Variants in SYCP1 observed in about 807,000 individuals in gnomAD.
The protein encoded by SYCP1 is synaptonemal complex protein 1.
A neutral mutation model predicts 153.1 loss-of-function variants in SYCP1; 64 were observed. That is an observed-to-expected ratio of 0.42 (90% CI 0.34 to 0.51). The LOEUF is 0.51. SYCP1 is among the 20% of genes least tolerant of loss of function. The probability of loss-of-function intolerance (pLI) is 0.06; values close to 1 mark genes in which losing one functional copy is unlikely to be tolerated. For synonymous variants in SYCP1, 384 were observed against 341.8 expected, an observed-to-expected ratio of 1.12 and a Z score of -1.36; for missense variants, 997 against 1,049.0, an observed-to-expected ratio of 0.95 and a Z score of 0.68.
Position 114,967,093 on chromosome 1 carries a change from A to T in SYCP1, c.2323-10464A>T, listed in dbSNP as rs181630357. On this transcript the variant is annotated intron_variant, in intron 27 of 31. Coordinates refer to ENST00000369522, the MANE Select transcript of SYCP1 (RefSeq NM_003176.4). Reference sequence around the variant, plus strand: ...ATTTGCTGAGGGTGTTTTATTTCCAATTATGTGTTCAATTTTAGAATAAGT... The same window carrying T: ...ATTTGCTGAGGGTGTTTTATTTCCATTTATGTGTTCAATTTTAGAATAAGT... 9.0e-4 allele frequency among the ~76,000 whole-genome samples: 137 copies of T among 152,242 alleles called. 1 individual carries two copies. The highest frequency in any genetic ancestry group is 3.2e-3 in the African/African-American group (133 of 41,554).
At chr1:114,914,091 A>T in intron 20 of SYCP1, 46 bp downstream of exon 20, 1 of 1,417,210 alleles carries the variant, frequency 7.1e-7, no homozygotes, top group Non-Finnish European at 9.6e-7. Flanking sequence ...AAAGATTTTG[A>T]TATTTCTTTT....
intron 14 of SYCP1, 24 bp downstream of exon 14, chr1:114,886,333 A>G: frequency 6.8e-7 from 1 of 1,480,216 alleles, no homozygotes; most frequent in Non-Finnish European, 9.0e-7. Context: ...TATTTTTAAT[A>G]CACAAAATAA....
At chr1:114,908,738 A>G (rs940826245) in intron 16 of SYCP1, among the ~76,000 whole-genome samples, 5 of 152,046 alleles carry the variant, frequency 3.3e-5, no homozygotes, top group Admixed American at 2.6e-4. Context: ...TATTCATTTT[A>G]AGAGTATTTC....
At chr1:114,929,003 C>A (rs546321136) in intron 23 of SYCP1, among the ~76,000 whole-genome samples, 1 of 152,244 alleles carries the variant, frequency 6.6e-6, no homozygotes, top group South Asian at 2.1e-4. Flanking sequence ...GGTTCATAAA[C>A]AGCCAACTTT....
chr1:114,904,669 G>A (rs1023666362), intron 16 of SYCP1, among the ~76,000 whole-genome samples: 4 of 152,042 alleles, frequency 2.6e-5, no homozygotes, highest in Admixed American at 1.3e-4. Flanking sequence ...CTTTTTGCAG[G>A]TATTTTAAAT....
chr1:114,888,354 AT>A (rs1666453897), intron 15 of SYCP1, among the ~76,000 whole-genome samples: 1 of 151,916 alleles, frequency 6.6e-6, no homozygotes, highest in Non-Finnish European at 1.5e-5. Flanking sequence ...TTTATAAAAT[AT>A]TTTCATTACT....
intron 23 of SYCP1, among the ~76,000 whole-genome samples, chr1:114,938,235 A>G (rs1312353826): frequency 6.6e-6 from 1 of 152,180 alleles, no homozygotes; most frequent in African/African-American, 2.4e-5. Context: ...GGACGAGTTC[A>G]TGTCCTTTGT....
chr1:114,899,527 T>G (rs547369487), intron 16 of SYCP1, among the ~76,000 whole-genome samples: 2 of 152,206 alleles, frequency 1.3e-5, no homozygotes, highest in Admixed American at 6.5e-5. Context: ...GTCAAAGTTC[T>G]ATAGCTTATT....
chr1:114,983,960 G>C (rs1213281418), intron 29 of SYCP1, among the ~76,000 whole-genome samples: 1 of 151,930 alleles, frequency 6.6e-6, no homozygotes, highest in Non-Finnish European at 1.5e-5. Flanking sequence ...GGCTGCAGTG[G>C]CATGATCATG....
At chr1:114,898,568 G>A (rs1428091425) in intron 16 of SYCP1, among the ~76,000 whole-genome samples, 1 of 152,116 alleles carries the variant, frequency 6.6e-6, no homozygotes, top group Non-Finnish European at 1.5e-5. Context: ...AGTCTAAAAT[G>A]TAGGCAAAAA....
intron 27 of SYCP1, among the ~76,000 whole-genome samples, chr1:114,961,180 G>A (rs1338188397): frequency 6.6e-6 from 1 of 151,800 alleles, no homozygotes; most frequent in African/African-American, 2.4e-5. Flanking sequence ...TATTTCTCTG[G>A]TATCAGTTGT....
intron 15 of SYCP1, among the ~76,000 whole-genome samples, chr1:114,889,527 T>C (rs1255161572): frequency 1.3e-5 from 2 of 152,238 alleles, no homozygotes; most frequent in Admixed American, 1.3e-4. Flanking sequence ...GTTCATATCC[T>C]CTGCCCACTT....
At chr1:114,921,241 TAAAC>T (rs1209247581) in intron 20 of SYCP1, among the ~76,000 whole-genome samples, 1 of 152,160 alleles carries the variant, frequency 6.6e-6, no homozygotes, top group Admixed American at 6.6e-5. Flanking sequence ...CATAAGCAAA[TAAAC>T]AAAGAGAAAA....
chr1:114,871,707 G>A (rs888905129), intron 8 of SYCP1, among the ~76,000 whole-genome samples: 1 of 150,532 alleles, frequency 6.6e-6, no homozygotes, highest in Non-Finnish European at 1.5e-5. Context: ...CGAGTAGCTG[G>A]TATTACAGGC....
intron 23 of SYCP1, among the ~76,000 whole-genome samples, chr1:114,927,378 G>C (rs960405685): frequency 6.6e-6 from 1 of 151,822 alleles, no homozygotes; most frequent in Non-Finnish European, 1.5e-5. Flanking sequence ...TCAACCAATA[G>C]TATAAAAATC....
At position 114,958,334 on chromosome 1, in the gene SYCP1, A is replaced by T. The variant is rs552742228; in HGVS notation, c.2322+11014A>T. Among the ~76,000 whole-genome samples the T allele has an allele frequency of 3.9e-5, 6 of 152,270 alleles. No homozygotes were observed. In the East Asian group the frequency reaches 1.2e-3, roughly 29 times the overall value. Reference sequence around the variant, plus strand: ...AAGAGGGATTGATTAATGGGTACAAATATACAATTAGATAAAAGATATAAG... The same window carrying T: ...AAGAGGGATTGATTAATGGGTACAATTATACAATTAGATAAAAGATATAAG... On this transcript the variant is annotated intron_variant, in intron 27 of 31. Transcript: ENST00000369522.
At chr1:114,956,958 A>G (rs971857062) in intron 27 of SYCP1, among the ~76,000 whole-genome samples, 4 of 152,176 alleles carry the variant, frequency 2.6e-5, no homozygotes, top group African/African-American at 9.7e-5. Context: ...GGGAAATATA[A>G]CCTCACCAAA....
At chr1:114,942,603 T>C (rs549701527) in intron 23 of SYCP1, among the ~76,000 whole-genome samples, 41 of 152,074 alleles carry the variant, frequency 2.7e-4, no homozygotes, top group Admixed American at 2.7e-3. Flanking sequence ...ATATTGCAGA[T>C]ATGTAGTGCT....
At chr1:114,941,868 G>C (rs1157001170) in intron 23 of SYCP1, among the ~76,000 whole-genome samples, 1 of 152,016 alleles carries the variant, frequency 6.6e-6, no homozygotes, top group Non-Finnish European at 1.5e-5. Flanking sequence ...ATTACCTTCA[G>C]GCTATGTGTA....
Sources: allele counts gnomAD v4.1 joint callset (sites outside exome capture counted in the v4.1 genomes callset), GRCh38; gene constraint gnomAD v4.1.1; transcripts MANE v1.5; gene names NCBI Gene and HGNC (gene_info 2026-07-23, HGNC 2026-07-21).